Variants in RAB38 observed in about 807,000 individuals in gnomAD.
RAB38 encodes ras-related protein Rab-38.
A neutral mutation model predicts 18.4 loss-of-function variants in RAB38; 15 were observed. That is an observed-to-expected ratio of 0.82 (90% CI 0.55 to 1.26). The LOEUF (loss-of-function observed/expected upper bound fraction) is 1.26, where lower values mean the gene tolerates loss of function less well. Among genes scored for constraint, RAB38 ranks in the 50% most tolerant of loss-of-function variants. RAB38 has a pLI of 0.00. For missense variants in RAB38, 294 were observed against 267.4 expected, an observed-to-expected ratio of 1.10 and a Z score of -0.69; for synonymous variants, 101 against 104.4, an observed-to-expected ratio of 0.97 and a Z score of 0.20.
the RAB38 span, among the ~76,000 whole-genome samples, chr11:88,089,681 TAAA>T: frequency 6.6e-6 from 1 of 151,930 alleles, no homozygotes; most frequent in African/African-American, 2.4e-5. Flanking sequence ...ATGATCAACT[TAAA>T]AAACCTCTCT....
the RAB38 span, among the ~76,000 whole-genome samples, chr11:87,873,605 T>C: frequency 6.6e-6 from 1 of 151,566 alleles, no homozygotes; most frequent in East Asian, 2.0e-4. Context: ...CATTTAAGAC[T>C]ATAATCCATT....
the RAB38 span, among the ~76,000 whole-genome samples, chr11:87,926,626 A>C: frequency 6.6e-6 from 1 of 152,038 alleles, no homozygotes. Flanking sequence ...GTCATTGTAG[A>C]TAATTCTAAA....
At chr11:87,844,977 A>G in the RAB38 span, among the ~76,000 whole-genome samples, 1 of 152,230 alleles carries the variant, frequency 6.6e-6, no homozygotes, top group Non-Finnish European at 1.5e-5. Context: ...TTACCTGTAT[A>G]TATCTCAACA....
chr11:87,942,316 T>C, the RAB38 span, among the ~76,000 whole-genome samples: 1 of 152,094 alleles, frequency 6.6e-6, no homozygotes, highest in Non-Finnish European at 1.5e-5. Flanking sequence ...CTCACCAAAC[T>C]GTGAAGGAGA....
the RAB38 span, among the ~76,000 whole-genome samples, chr11:87,973,353 C>G: frequency 1.3e-5 from 2 of 152,142 alleles, no homozygotes; most frequent in Admixed American, 1.3e-4. Context: ...CTGCATAAGA[C>G]TTGCCCACCT....
At chr11:87,886,246 G>A in the RAB38 span, among the ~76,000 whole-genome samples, 5 of 151,890 alleles carry the variant, frequency 3.3e-5, no homozygotes, top group African/African-American at 4.8e-5. Context: ...GGACTTTGTC[G>A]TCCCCATGAC....
At chr11:87,850,532 C>T in the RAB38 span, among the ~76,000 whole-genome samples, 1 of 152,036 alleles carries the variant, frequency 6.6e-6, no homozygotes, top group African/African-American at 2.4e-5. Context: ...GTACACAAAA[C>T]CCTTTTGGGA....
the RAB38 span, among the ~76,000 whole-genome samples, chr11:87,871,052 TGCAAAC>T: frequency 6.6e-6 from 1 of 151,800 alleles, no homozygotes; most frequent in Admixed American, 6.6e-5. Flanking sequence ...TTAATCTGGA[TGCAAAC>T]ACTGGGTTTA....
the RAB38 span, among the ~76,000 whole-genome samples, chr11:87,804,639 C>T: frequency 6.6e-6 from 1 of 151,910 alleles, no homozygotes; most frequent in Admixed American, 6.6e-5. Context: ...GGTTTTCAGT[C>T]TCGGAAGTAA....
At chr11:87,822,140 C>G in the RAB38 span, among the ~76,000 whole-genome samples, 6 of 150,258 alleles carry the variant, frequency 4.0e-5, no homozygotes, top group African/African-American at 1.5e-4. Context: ...TCAAGAGAAA[C>G]CAAAAAGTGT....
At chr11:87,849,855 C>T in the RAB38 span, among the ~76,000 whole-genome samples, 2 of 152,080 alleles carry the variant, frequency 1.3e-5, no homozygotes, top group Non-Finnish European at 2.9e-5. Flanking sequence ...CCTTCTTGAA[C>T]AATATATAGG....
the RAB38 span, among the ~76,000 whole-genome samples, chr11:87,893,585 T>C: frequency 2.4e-4 from 36 of 151,254 alleles, no homozygotes; most frequent in African/African-American, 8.7e-4. Context: ...TAGTGTTAAG[T>C]ATATTTGCAT....
the RAB38 span, among the ~76,000 whole-genome samples, chr11:87,854,819 G>C: frequency 6.6e-6 from 1 of 151,986 alleles, no homozygotes; most frequent in Non-Finnish European, 1.5e-5. Context: ...TTTTGAGATG[G>C]AGTCTGGCTC....
intron 1 of RAB38, among the ~76,000 whole-genome samples, chr11:88,163,537 A>G (rs1943211725): frequency 6.6e-6 from 1 of 152,144 alleles, no homozygotes; most frequent in Non-Finnish European, 1.5e-5. Flanking sequence ...GTTAGTTATC[A>G]TCTCTTAAAG....
the RAB38 span, among the ~76,000 whole-genome samples, chr11:88,041,722 T>C: frequency 1.3e-5 from 2 of 152,194 alleles, no homozygotes; most frequent in African/African-American, 4.8e-5. Flanking sequence ...GAGTCTCTGC[T>C]TCAACAACAG....
the RAB38 span, among the ~76,000 whole-genome samples, chr11:87,887,514 C>A: frequency 5.3e-5 from 8 of 151,952 alleles, no homozygotes; most frequent in African/African-American, 1.9e-4. Context: ...TGGGTTAAAA[C>A]CCTCTCTTTC....
At chr11:87,956,332 A>G in the RAB38 span, among the ~76,000 whole-genome samples, 3 of 151,776 alleles carry the variant, frequency 2.0e-5, no homozygotes, top group African/African-American at 7.2e-5. Flanking sequence ...GCATAACACT[A>G]GAATCAAAAA....
chr11:88,051,119 T>C, the RAB38 span, among the ~76,000 whole-genome samples: 1 of 152,130 alleles, frequency 6.6e-6, no homozygotes, highest in Non-Finnish European at 1.5e-5. Flanking sequence ...CTATTGAATG[T>C]TTTGGTACCC....
chr11:88,122,871 A>G (rs1017689318), intron 2 of RAB38, among the ~76,000 whole-genome samples: 3 of 152,224 alleles, frequency 2.0e-5, no homozygotes, highest in African/African-American at 7.2e-5. Flanking sequence ...TGTCCCAAAT[A>G]CAGTAGGATA....
Sources: gnomAD v4.1 joint callset for allele counts (sites outside exome capture counted in the v4.1 genomes callset) on GRCh38, gnomAD v4.1.1 for gene constraint, MANE v1.5 for transcripts, NCBI Gene and HGNC (gene_info 2026-07-23, HGNC 2026-07-21) for gene names.